The following KDM4B variants were observed in gnomAD, a reference collection of about 807,000 sequenced individuals.
KDM4B encodes lysine-specific demethylase 4B.
In KDM4B, 32 loss-of-function variants were observed where a neutral mutation model predicts 125.2. The observed-to-expected ratio is 0.26, with a 90% CI of 0.19 to 0.34. The LOEUF is 0.34. Ranked by LOEUF, KDM4B falls within the 10% of genes least tolerant of loss-of-function variation. The probability of loss-of-function intolerance (pLI) is 1.00; values close to 1 mark genes in which losing one functional copy is unlikely to be tolerated. For synonymous variants in KDM4B, 721 were observed against 677.9 expected (o/e 1.06, Z -0.99); for missense variants, 1,190 against 1,577.7 (o/e 0.75, Z 4.16).
chr19:5,109,083 G>A (rs1347608338), intron 9 of KDM4B, among the ~76,000 whole-genome samples: 3 of 152,246 alleles, frequency 2.0e-5, no homozygotes, highest in Admixed American at 6.5e-5. Context: ...ACAGCCATGC[G>A]CATGCATGTG....
intron 1 of KDM4B, among the ~76,000 whole-genome samples, chr19:4,984,481 CAGGAAGCAGGCGTGGGGGTTTCTGG>C (rs918285471): frequency 1.6e-4 from 24 of 152,124 alleles, no homozygotes; most frequent in African/African-American, 5.8e-4. Flanking sequence ...TTTTATGGGC[CAGGAAGCAGGCGTGGGGGTTTCTGG>C]GGGAAGCTGG....
intron 7 of KDM4B, chr19:5,073,981 A>G (rs1213243362): frequency 1.3e-5 from 2 of 152,388 alleles, no homozygotes; most frequent in African/African-American, 4.8e-5. Flanking sequence ...GGTGTTGTAC[A>G]TCTGTAGTCT....
intron 18 of KDM4B, among the ~76,000 whole-genome samples, chr19:5,139,105 T>A (rs1355788992): frequency 3.9e-5 from 6 of 152,202 alleles, no homozygotes; most frequent in Middle Eastern, 3.4e-3. Context: ...AATTTTTTTT[T>A]AAAAGATGGG....
At chr19:5,136,607 G>T (rs1250995638) in intron 15 of KDM4B, among the ~76,000 whole-genome samples, 2 of 152,084 alleles carry the variant, frequency 1.3e-5, no homozygotes, top group African/African-American at 4.8e-5. Context: ...CAGCCGGGCC[G>T]CCCCAGCCAG....
chr19:5,012,475 C>T (rs1465193277), intron 1 of KDM4B, among the ~76,000 whole-genome samples: 1 of 151,870 alleles, frequency 6.6e-6, no homozygotes, highest in Non-Finnish European at 1.5e-5. Context: ...GGCCCGTAGC[C>T]GTCCCAGGAT....
rs757254378 is a variant in KDM4B at position 5,039,890 on chromosome 19, G to A, written c.196G>A (p.Val66Met). Reference protein sequence around the residue: ...PRQTYDDIDDVVIPAPIQQVV... With the variant: ...PRQTYDDIDDMVIPAPIQQVV... ...GCAGACGTATGATGACATCGACGACGTGGTGATCCCGGCGCCCATCCAGCA... is the reference window on the plus strand; with the variant it reads ...GCAGACGTATGATGACATCGACGACATGGTGATCCCGGCGCCCATCCAGCA... The change falls in exon 4 of 23, where the codon GTG becomes ATG. Residue 66 changes from valine (V) to methionine (M), a missense_variant. Coordinates refer to ENST00000159111, the MANE Select transcript of KDM4B (RefSeq NM_015015.3). 8.7e-6 allele frequency: 14 copies of A among 1,612,888 alleles called. 1 individual carries two copies. Among genetic ancestry groups the A allele is most frequent in the South Asian group, 3.3e-5 (3 of 91,094 alleles).
At chr19:5,079,584 C>G (rs544342669) in intron 8 of KDM4B, among the ~76,000 whole-genome samples, 8 of 152,312 alleles carry the variant, frequency 5.3e-5, no homozygotes, top group African/African-American at 1.9e-4. Context: ...AGTCTGATGT[C>G]TGCCTGACGC....
At chr19:5,036,062 C>T (rs1040552922) in intron 3 of KDM4B, among the ~76,000 whole-genome samples, 1 of 152,276 alleles carries the variant, frequency 6.6e-6, no homozygotes, top group Non-Finnish European at 1.5e-5. Context: ...CCCTGGGCAG[C>T]CCTGCGTCTT....
At chr19:5,023,882 G>T (rs35072358) in intron 2 of KDM4B, among the ~76,000 whole-genome samples, 1 of 145,394 alleles carries the variant, frequency 6.9e-6, no homozygotes, top group Non-Finnish European at 1.5e-5. Context: ...TCCTGCCTCA[G>T]CCTCTAAGTA....
chr19:4,983,973 G>A (rs547708928), intron 1 of KDM4B, among the ~76,000 whole-genome samples: 39 of 152,272 alleles, frequency 2.6e-4, no homozygotes, highest in Non-Finnish European at 4.0e-4. Flanking sequence ...GAATTACCAC[G>A]CGAAAAGCCC....
chr19:5,037,416 ACTC>A (rs1467074033), intron 3 of KDM4B, among the ~76,000 whole-genome samples: 1 of 151,480 alleles, frequency 6.6e-6, no homozygotes, highest in Non-Finnish European at 1.5e-5. Context: ...TGTCTCACTG[ACTC>A]TTCAGCTGCT....
At chr19:5,054,715 A>G (rs1422544447) in intron 6 of KDM4B, among the ~76,000 whole-genome samples, 1 of 152,146 alleles carries the variant, frequency 6.6e-6, no homozygotes, top group Non-Finnish European at 1.5e-5. Flanking sequence ...TGTGGCCTAG[A>G]GCGTGGCGTG....
rs997650280 is a variant in KDM4B, at chr19:4,993,192, C to G, written c.-108-23065C>G. On this transcript the variant is annotated intron_variant, in intron 1 of 22. Coordinates refer to ENST00000159111, the MANE Select transcript of KDM4B (RefSeq NM_015015.3). ...TGGGAGGCCGAGGTGAGTGGATCACCTGAGGTCAGCAGTTTGAGACCAGCC... is the reference window on the plus strand; with the variant it reads ...TGGGAGGCCGAGGTGAGTGGATCACGTGAGGTCAGCAGTTTGAGACCAGCC... Among the ~76,000 whole-genome samples the G allele has an allele frequency of 2.0e-5, 3 of 152,206 alleles. No homozygotes were observed. The South Asian group carries it at 6.2e-4, about 32-fold the overall frequency.
intron 1 of KDM4B, among the ~76,000 whole-genome samples, chr19:4,988,951 G>C (rs924888702): frequency 6.6e-6 from 1 of 152,202 alleles, no homozygotes; most frequent in African/African-American, 2.4e-5. Flanking sequence ...CTCAGCTCCC[G>C]AGGGGCTGCC....
At chr19:5,033,770 A>T (rs1006483306) in intron 3 of KDM4B, among the ~76,000 whole-genome samples, 1 of 152,034 alleles carries the variant, frequency 6.6e-6, no homozygotes, top group Non-Finnish European at 1.5e-5. Flanking sequence ...CTCTCGGCAT[A>T]TTGTGCACGC....
chr19:5,098,130 C>G lies in KDM4B; in HGVS notation c.919-12492C>G, dbSNP rs1419876911. Among the ~76,000 whole-genome samples, 3 of 152,232 alleles carry G rather than the reference C, an allele frequency of 2.0e-5. No individual in the cohort carries two copies. In the East Asian group the frequency reaches 5.8e-4, roughly 29 times the overall value. ...CCAGGGCTGGTGGCCAAGGGGCTTC[C>G]TCAGTGTGTAGCCTCCGTGGCAGCC... On this transcript the variant is annotated intron_variant, in intron 9 of 22. Coordinates refer to ENST00000159111, the MANE Select transcript of KDM4B (RefSeq NM_015015.3).
chr19:5,014,963 C>T (rs180833638), intron 1 of KDM4B, among the ~76,000 whole-genome samples: 18 of 151,368 alleles, frequency 1.2e-4, no homozygotes, highest in African/African-American at 3.6e-4. Context: ...CCACTGCACT[C>T]CAGCCTGGGT....
intron 1 of KDM4B, among the ~76,000 whole-genome samples, chr19:4,978,169 G>C (rs1019832955): frequency 1.3e-5 from 2 of 152,108 alleles, no homozygotes; most frequent in Non-Finnish European, 2.9e-5. Context: ...CCCCAGGAAG[G>C]GGGGACGAGG....
intron 1 of KDM4B, among the ~76,000 whole-genome samples, chr19:4,979,329 G>C (rs1290013915): frequency 1.3e-5 from 2 of 152,236 alleles, no homozygotes; most frequent in Non-Finnish European, 2.9e-5. Context: ...GGGCAGTGCA[G>C]TGCGCCGGGA....
Sources: gnomAD v4.1 joint callset for allele counts (sites outside exome capture counted in the v4.1 genomes callset) on GRCh38, gnomAD v4.1.1 for gene constraint, MANE v1.5 for transcripts, NCBI Gene and HGNC (gene_info 2026-07-23, HGNC 2026-07-21) for gene names.